SLC27A5: variants seen among roughly 807,000 people sequenced by gnomAD.
SLC27A5 encodes long-chain fatty acid transport protein 5.
A neutral mutation model predicts 63.1 loss-of-function variants in SLC27A5; 47 were observed. That is an observed-to-expected ratio of 0.74 (90% confidence interval 0.59 to 0.95). The LOEUF is 0.95. SLC27A5 is among the 40% of genes least tolerant of loss of function. SLC27A5 has a pLI of 0.00. For synonymous variants in SLC27A5, 391 were observed against 403.8 expected, an observed-to-expected ratio of 0.97 and a Z score of 0.38; for missense variants, 940 against 921.0, an observed-to-expected ratio of 1.02 and a Z score of -0.27.
rs1048733633 is a variant in SLC27A5 at position 58,500,237 on chromosome 19, A to C, written c.1468+102T>G. 5.2e-6 allele frequency: 5 copies of C among 953,852 alleles called. No individual in the cohort carries two copies. The Admixed American group carries it at 9.5e-5, about 18-fold the overall frequency. 59.1% of individuals were successfully genotyped at this position (953,852 alleles called of 1,614,324 possible). A position where few individuals can be genotyped will look rare whatever the true frequency, so the allele number is the denominator to read the frequency against. The stretch of plus-strand genomic sequence containing the variant: ...CCAGATGAAGGCTGCAGACCCCTCT[A>C]GTGAGCACCAACGTCAAGCTTTTGA... On this transcript the variant is annotated intron_variant, in intron 6 of 9. Coordinates refer to ENST00000263093, the MANE Select transcript of SLC27A5 (RefSeq NM_012254.3).
chr19:58,510,143 G>T, intron 2 of SLC27A5, 138 bp from the exon 3 acceptor site: 1 of 825,954 alleles, frequency 1.2e-6, no homozygotes, highest in Non-Finnish European at 1.8e-6. Context: ...ATAGGGATTT[G>T]TGGTTGGGTT....
chr19:58,511,091 T>G, intron 1 of SLC27A5, 161 bp from the exon 2 acceptor site: 10 of 938,688 alleles, frequency 1.1e-5, no homozygotes, highest in Non-Finnish European at 1.4e-5. Flanking sequence ...GGTCAAATTG[T>G]GGGAAAATTA....
At chr19:58,499,313 G>A in intron 7 of SLC27A5, 93 bp from the exon 8 acceptor site, 1 of 1,383,492 alleles carries the variant, frequency 7.2e-7, no homozygotes, top group Non-Finnish European at 1.0e-6. Flanking sequence ...GGATCAGGAG[G>A]CCCAGTCAGC....
At position 58,511,642 on chromosome 19, in the gene SLC27A5, C is replaced by A; in HGVS notation, c.314G>T (p.Arg105Met). ...AGGCGGCTGCCGGCTCAAGCATCCC[C>A]TGATCTTCAGGCCCAGGTGGAGGAT... ...AKILHLGLKI[R>M]GCLSRQPPDT... Residue 105 changes from arginine to methionine, a missense_variant, in exon 1 of 10, where the codon AGG becomes ATG. By Grantham distance (91) the Arg-to-Met change is moderately conservative (BLOSUM62 -1). Coordinates refer to ENST00000263093, the MANE Select transcript of SLC27A5 (RefSeq NM_012254.3). 1 of 1,601,000 alleles carries A rather than the reference C, an allele frequency of 6.2e-7. No individual in the cohort carries two copies. Among genetic ancestry groups the A allele is most frequent in the South Asian group, 1.1e-5 (1 of 89,106 alleles).
At position 58,500,463 on chromosome 19, in the gene SLC27A5, T is replaced by C. The variant is rs758406585; in HGVS notation, c.1378-34A>G. On this transcript the variant is annotated intron_variant, in intron 5 of 9. Transcript: ENST00000263093. ...GAGGGTGGAGTGTTGACATAGGTCC[T>C]GTGGGCTCAGCCTCAGGGCAGCTGC... 3.1e-6 allele frequency: 5 copies of C among 1,613,792 alleles called. No homozygotes were observed. The South Asian group carries it at 5.5e-5, about 18-fold the overall frequency.
Position 58,510,844 on chromosome 19 carries a change from G to T in SLC27A5, c.775C>A (p.Pro259Thr). Residue 259 changes from proline to threonine, a missense_variant, in exon 2 of 10, where the codon CCA becomes ACA. Physicochemically the swap from Pro to Thr is conservative, Grantham distance 38. Coordinates refer to ENST00000263093, the MANE Select transcript of SLC27A5 (RefSeq NM_012254.3). Reference protein sequence around the residue: ...CFYLSHTSPTPGVGALGAALD... With the variant: ...CFYLSHTSPTTGVGALGAALD... ...GCAGCCCCCAGAGCCCCCACCCCTG[G>T]TGTAGGGGAGGTATGGCTGAGGTAG... 6.2e-7 allele frequency: 1 copy of T among 1,613,394 alleles called. No homozygotes were observed. Among genetic ancestry groups the T allele is most frequent in the Non-Finnish European group, 8.5e-7 (1 of 1,179,794 alleles).
At chr19:58,509,432 A>G (rs1331473321) in intron 3 of SLC27A5, 1 of 156,140 alleles carries the variant, frequency 6.4e-6, no homozygotes, top group African/African-American at 2.4e-5. Context: ...AAAAGAGAGA[A>G]AACAAAAAGA....
intron 3 of SLC27A5, among the ~76,000 whole-genome samples, chr19:58,505,047 C>T (rs185303792): frequency 7.5e-5 from 11 of 146,820 alleles, no homozygotes; most frequent in African/African-American, 2.7e-4. Flanking sequence ...AGCATGTTAA[C>T]AATTATTGAA....
intron 3 of SLC27A5, chr19:58,508,318 G>A (rs971505809): frequency 6.7e-6 from 1 of 149,002 alleles, no homozygotes; most frequent in African/African-American, 2.4e-5. Flanking sequence ...CAGCACTTTG[G>A]GAGGCCGAGG....
rs193229599 is a variant in SLC27A5, at chr19:58,509,790, G to A, written c.1057+57C>T. On this transcript the variant is annotated intron_variant, in intron 3 of 9. Coordinates refer to ENST00000263093, the MANE Select transcript of SLC27A5 (RefSeq NM_012254.3). ...TGTCTTTTTGCCTTGACAGCCCCAC[G>A]CCGACACTTACTCCCGTGGTCCTGT... The A allele has an allele frequency of 8.1e-5, 122 of 1,513,594 alleles. No homozygotes were observed. The highest frequency in any genetic ancestry group is 1.0e-4 in the Non-Finnish European group (114 of 1,120,682). The allele number at this position is 1,513,594 out of a possible 1,614,324, so 93.8% of individuals were successfully genotyped here.
intron 3 of SLC27A5, among the ~76,000 whole-genome samples, chr19:58,501,926 G>A (rs553865709): frequency 2.0e-5 from 3 of 152,322 alleles, no homozygotes; most frequent in East Asian, 3.9e-4. Flanking sequence ...TGATCCACCC[G>A]CCTCGGCCTC....
chr19:58,510,147 T>C (rs769944491), intron 2 of SLC27A5, 142 bp from the exon 3 acceptor site: 17 of 789,628 alleles, frequency 2.2e-5, no homozygotes, highest in Non-Finnish European at 3.1e-5. Flanking sequence ...GGATTTGTGG[T>C]TGGGTTCACA....
At position 58,511,800 on chromosome 19, in the gene SLC27A5, T is replaced by A; in HGVS notation, c.156A>T (p.Ala52=). Residue 52 remains alanine (A), a synonymous_variant, in exon 1 of 10, where the codon GCA becomes GCT. Coordinates refer to ENST00000263093, the MANE Select transcript of SLC27A5 (RefSeq NM_012254.3). ...GCACCCAGGGGCCGAGCCAGGGCCG[T>A]GCTAACATGGCCAGCCCAAGTAGCA... ...CCVLLGLAML[A]RPWLGPWVPH... 6.4e-7 allele frequency: 1 copy of A among 1,556,870 alleles called. No individual in the cohort carries two copies. The highest frequency in any genetic ancestry group is 8.7e-7 in the Non-Finnish European group (1 of 1,150,824).
At chr19:58,509,754 GT>G in intron 3 of SLC27A5, 92 bp downstream of exon 3, 1 of 1,211,340 alleles carries the variant, frequency 8.3e-7, no homozygotes, top group South Asian at 1.5e-5. Context: ...AGGGTGCTGG[GT>G]AACCTATGGT....
At chr19:58,506,736 A>G (rs1220267427) in intron 3 of SLC27A5, among the ~76,000 whole-genome samples, 1 of 150,660 alleles carries the variant, frequency 6.6e-6, no homozygotes, top group Non-Finnish European at 1.5e-5. Flanking sequence ...CAGCCTCCCG[A>G]GTAGCTGGAA....
intron 7 of SLC27A5, 21 bp from the exon 8 acceptor site, chr19:58,499,241 C>T: frequency 6.2e-7 from 1 of 1,609,288 alleles, no homozygotes; most frequent in Non-Finnish European, 8.5e-7. Flanking sequence ...GGAGCCGGCG[C>T]TTGTGACCAC....
chr19:58,502,934 A>C (rs373890934), intron 3 of SLC27A5, among the ~76,000 whole-genome samples: 41,393 of 151,126 alleles, frequency 0.27, 6,664 homozygotes, highest in Middle Eastern at 0.48. Context: ...TGGCTGGGTG[A>C]GGATCGTCAC....
intron 3 of SLC27A5, among the ~76,000 whole-genome samples, chr19:58,507,057 T>TA (rs1023951149): frequency 4.7e-4 from 68 of 144,578 alleles, no homozygotes; most frequent in African/African-American, 1.5e-3. Flanking sequence ...TTTTCATAAT[T>TA]AAAAAAAAAA....
chr19:58,498,983 C>T (rs2053240851), intron 8 of SLC27A5, 68 bp from the exon 9 acceptor site: 2 of 1,591,478 alleles, frequency 1.3e-6, no homozygotes, highest in Admixed American at 1.7e-5. Context: ...TCCAGCCTCG[C>T]CCAGCTCTGC....
Sources: gnomAD v4.1 joint callset for allele counts (sites outside exome capture counted in the v4.1 genomes callset) on GRCh38, gnomAD v4.1.1 for gene constraint, MANE v1.5 for transcripts, NCBI Gene and HGNC (gene_info 2026-07-23, HGNC 2026-07-21) for gene names.